Variants in CPED1 observed in about 807,000 individuals in gnomAD.
The protein encoded by CPED1 is cadherin-like and PC-esterase domain-containing protein 1.
CPED1 carries 114 observed loss-of-function variants against 128.2 expected under a neutral mutation model. The ratio of observed to expected loss-of-function variants is 0.89; its 90% confidence interval spans 0.76 to 1.04. The LOEUF (loss-of-function observed/expected upper bound fraction) is 1.04. CPED1 is among the 50% of genes least tolerant of loss of function. The pLI, the probability that CPED1 is intolerant of heterozygous loss-of-function variation, is 0.00. For synonymous variants in CPED1, 462 were observed against 426.7 expected (o/e 1.08, Z -1.02); for missense variants, 1,211 against 1,207.1 (o/e 1.00, Z -0.05).
chr7:121,180,534 C>T lies in CPED1; in HGVS notation c.2055+38393C>T, dbSNP rs139280380. Among the ~76,000 whole-genome samples the T allele has an allele frequency of 1.2e-3, 185 of 151,988 alleles. 1 individual carries two copies. Among genetic ancestry groups the T allele is most frequent in the African/African-American group, 4.2e-3 (175 of 41,482 alleles). On this transcript the variant is annotated intron_variant, in intron 16 of 22. Coordinates refer to ENST00000310396, the MANE Select transcript of CPED1 (RefSeq NM_024913.5). ...GAATTCATGACAAAATCTAGAATTACGTGATACATTATCTGTACACTCTTG... is the reference window on the plus strand; with the variant it reads ...GAATTCATGACAAAATCTAGAATTATGTGATACATTATCTGTACACTCTTG...
chr7:121,239,772 G>A (rs1033999052), intron 17 of CPED1, among the ~76,000 whole-genome samples: 1 of 152,070 alleles, frequency 6.6e-6, no homozygotes, highest in Non-Finnish European at 1.5e-5. Flanking sequence ...TCACTGAAAT[G>A]GCTGAAATCT....
intron 14 of CPED1, among the ~76,000 whole-genome samples, chr7:121,139,937 T>C (rs1482631777): frequency 6.6e-6 from 1 of 152,102 alleles, no homozygotes; most frequent in Non-Finnish European, 1.5e-5. Flanking sequence ...TTTATCTTTG[T>C]TAGCATTTTG....
intron 16 of CPED1, among the ~76,000 whole-genome samples, chr7:121,167,841 C>G (rs1256094926): frequency 6.7e-6 from 1 of 150,310 alleles, no homozygotes; most frequent in African/African-American, 2.5e-5. Flanking sequence ...ACGCCATTCT[C>G]CTGCCTCAGC....
chr7:121,224,746 T>A (rs1415301624), intron 16 of CPED1, among the ~76,000 whole-genome samples: 1 of 151,158 alleles, frequency 6.6e-6, no homozygotes, highest in African/African-American at 2.4e-5. Flanking sequence ...TCTTTGTTGG[T>A]TTAAAGTCTA....
intron 21 of CPED1, 121 bp from the exon 22 acceptor site, chr7:121,271,163 C>T: frequency 1.5e-6 from 1 of 687,026 alleles, no homozygotes; most frequent in Non-Finnish European, 2.3e-6. Context: ...TGTGAAGTTC[C>T]TTATCTTACA....
intron 3 of CPED1, among the ~76,000 whole-genome samples, chr7:121,037,009 T>A (rs1792913105): frequency 6.6e-6 from 1 of 152,186 alleles, no homozygotes; most frequent in Non-Finnish European, 1.5e-5. Flanking sequence ...CTTGCTGATT[T>A]GTTTGAGTTC....
chr7:121,028,505 T>C (rs1792653366), intron 3 of CPED1, among the ~76,000 whole-genome samples: 1 of 152,202 alleles, frequency 6.6e-6, no homozygotes. Context: ...ACATGTTAGC[T>C]TCTTTACAGT....
intron 5 of CPED1, among the ~76,000 whole-genome samples, chr7:121,085,909 C>T (rs1319059076): frequency 6.6e-6 from 1 of 152,182 alleles, no homozygotes; most frequent in Non-Finnish European, 1.5e-5. Context: ...TGAAATATTT[C>T]TCCCGAACAG....
intron 14 of CPED1, among the ~76,000 whole-genome samples, chr7:121,136,881 T>C (rs1376439855): frequency 1.3e-5 from 2 of 151,970 alleles, no homozygotes; most frequent in African/African-American, 4.8e-5. Flanking sequence ...CCAGCCTGAG[T>C]GACATAGCAA....
chr7:121,104,269 C>G (rs912308987), intron 7 of CPED1, among the ~76,000 whole-genome samples: 1 of 152,054 alleles, frequency 6.6e-6, no homozygotes, highest in Admixed American at 6.6e-5. Flanking sequence ...CAGTTTGTAT[C>G]TATAAATTCA....
intron 12 of CPED1, among the ~76,000 whole-genome samples, chr7:121,130,769 AT>A (rs1257157718): frequency 6.6e-6 from 1 of 151,970 alleles, no homozygotes; most frequent in Non-Finnish European, 1.5e-5. Flanking sequence ...ATTGATTCCT[AT>A]TTTGGTTTCA....
intron 22 of CPED1, among the ~76,000 whole-genome samples, chr7:121,275,934 G>A (rs540877581): frequency 4.3e-4 from 62 of 145,666 alleles, no homozygotes; most frequent in Middle Eastern, 3.5e-3. Context: ...AAATTCATCC[G>A]GTAAAAAAAA....
chr7:121,127,567 G>A (rs562487903), intron 10 of CPED1, among the ~76,000 whole-genome samples: 15 of 135,036 alleles, frequency 1.1e-4, no homozygotes, highest in Non-Finnish European at 2.0e-4. Context: ...ACAGAGTCTC[G>A]CTCTGTCACC....
At chr7:121,195,233 C>T (rs1341637286) in intron 16 of CPED1, among the ~76,000 whole-genome samples, 1 of 152,112 alleles carries the variant, frequency 6.6e-6, no homozygotes, top group Non-Finnish European at 1.5e-5. Context: ...ACACAGGTAT[C>T]TGTAATACTA....
chr7:121,079,386 T>C (rs1794221846), intron 5 of CPED1, among the ~76,000 whole-genome samples: 1 of 152,250 alleles, frequency 6.6e-6, no homozygotes, highest in Non-Finnish European at 1.5e-5. Context: ...CTTAGGCAGA[T>C]GTAGTCCTTT....
At position 121,069,637 on chromosome 7, in the gene CPED1, G is replaced by A. The variant is rs139014302; in HGVS notation, c.616+5324G>A. Among the ~76,000 whole-genome samples the A allele has an allele frequency of 3.0e-4, 46 of 152,126 alleles. No homozygotes were observed. The East Asian group carries it at 8.7e-3, about 29-fold the overall frequency. Reference sequence around the variant, plus strand: ...ACATCCACGGAATTTTTACTGGCTAGCACAAAGATTTATTTTTATCTTGCC... The same window carrying A: ...ACATCCACGGAATTTTTACTGGCTAACACAAAGATTTATTTTTATCTTGCC... On this transcript the variant is annotated intron_variant, in intron 5 of 22. Coordinates refer to ENST00000310396, the MANE Select transcript of CPED1 (RefSeq NM_024913.5).
intron 18 of CPED1, among the ~76,000 whole-genome samples, chr7:121,247,991 C>G (rs1012794516): frequency 1.3e-5 from 2 of 152,222 alleles, no homozygotes. Flanking sequence ...CTCCACTGCA[C>G]AGCTGGATGC....
At chr7:121,202,465 G>A (rs1222511517) in intron 16 of CPED1, among the ~76,000 whole-genome samples, 2 of 152,122 alleles carry the variant, frequency 1.3e-5, no homozygotes, top group Non-Finnish European at 2.9e-5. Context: ...GGCATCTTTT[G>A]GAGGTAGTCT....
chr7:121,047,705 TCTTCTTC>T (rs1793245823), intron 4 of CPED1, among the ~76,000 whole-genome samples: 1 of 106,726 alleles, frequency 9.4e-6, no homozygotes, highest in Non-Finnish European at 1.9e-5. Context: ...TTCTTCTTCT[TCTTCTTC>T]TTCTTTTTTT....
Sources: gnomAD v4.1 joint callset for allele counts (sites outside exome capture counted in the v4.1 genomes callset) on GRCh38, gnomAD v4.1.1 for gene constraint, MANE v1.5 for transcripts, NCBI Gene and HGNC (gene_info 2026-07-23, HGNC 2026-07-21) for gene names.